Variants in EPHA5 observed in about 807,000 individuals in gnomAD.
EPHA5 encodes EPH receptor A5.
A neutral mutation model predicts 105.0 loss-of-function variants in EPHA5; 60 were observed. The observed-to-expected ratio is 0.57, with a 90% CI of 0.46 to 0.71. The LOEUF is 0.71. Ranked by LOEUF, EPHA5 falls within the 30% of genes least tolerant of loss-of-function variation. The probability of loss-of-function intolerance (pLI) is 0.00; values close to 1 mark genes in which losing one functional copy is unlikely to be tolerated. For synonymous variants in EPHA5, 513 were observed against 449.1 expected, an observed-to-expected ratio of 1.14 and a Z score of -1.80; for missense variants, 1,218 against 1,274.7, an observed-to-expected ratio of 0.96 and a Z score of 0.68.
chr4:65,379,752 C>T lies in EPHA5; in HGVS notation c.1794-12328G>A, dbSNP rs533938076. ...CTAAATATTTTTATCCATAATAGAA[C>T]TAAATAAACATTACATTCAGATTAA... On this transcript the variant is annotated intron_variant, in intron 8 of 16. Coordinates refer to ENST00000613740, the MANE Select transcript of EPHA5 (RefSeq NM_001281766.3). Among the ~76,000 whole-genome samples, 11 of 151,588 alleles carry T rather than the reference C, an allele frequency of 7.3e-5. No homozygotes were observed. The East Asian group carries it at 9.7e-4, about 13-fold the overall frequency.
intron 15 of EPHA5, 78 bp downstream of exon 15, chr4:65,335,854 G>T (rs1352488090): frequency 2.3e-5 from 32 of 1,405,130 alleles, no homozygotes; most frequent in Non-Finnish European, 2.9e-5. Flanking sequence ...ATACGAGAAT[G>T]ATTTAATTGA....
intron 3 of EPHA5, among the ~76,000 whole-genome samples, chr4:65,524,751 A>T (rs372452707): frequency 6.6e-6 from 1 of 151,946 alleles, no homozygotes; most frequent in African/African-American, 2.4e-5. Flanking sequence ...GACATTTCCC[A>T]TATGAATGAA....
chr4:65,344,950 A>C (rs1722075687), intron 14 of EPHA5, among the ~76,000 whole-genome samples: 1 of 152,200 alleles, frequency 6.6e-6, no homozygotes, highest in African/African-American at 2.4e-5. Context: ...GCTTAGATAC[A>C]AAAATTTTGG....
At chr4:65,651,179 G>T (rs980826811) in intron 1 of EPHA5, among the ~76,000 whole-genome samples, 1 of 152,174 alleles carries the variant, frequency 6.6e-6, no homozygotes, top group Admixed American at 6.5e-5. Context: ...AAAATAAGTA[G>T]AATCAGCAGG....
chr4:65,531,897 T>G (rs76609239), intron 3 of EPHA5, among the ~76,000 whole-genome samples: 1,733 of 152,318 alleles, frequency 0.011, 35 homozygotes, highest in African/African-American at 0.039. Flanking sequence ...TAAGCAAAAC[T>G]AGTTCTAATG....
intron 3 of EPHA5, among the ~76,000 whole-genome samples, chr4:65,535,328 T>A (rs1736189005): frequency 6.6e-6 from 1 of 151,988 alleles, no homozygotes; most frequent in South Asian, 2.1e-4. Context: ...AAATGCTGAA[T>A]CACAAGACAC....
chr4:65,658,015 T>C (rs1749225225), intron 1 of EPHA5, among the ~76,000 whole-genome samples: 1 of 151,918 alleles, frequency 6.6e-6, no homozygotes, highest in Non-Finnish European at 1.5e-5. Flanking sequence ...AGAGCTTTTT[T>C]TTCTAGTCAA....
At chr4:65,346,986 G>T (rs1477852878) in intron 14 of EPHA5, among the ~76,000 whole-genome samples, 1 of 152,106 alleles carries the variant, frequency 6.6e-6, no homozygotes, top group Non-Finnish European at 1.5e-5. Context: ...TCCAGTTGTG[G>T]AAGACACTTT....
At chr4:65,382,302 T>C (rs60530848) in intron 8 of EPHA5, among the ~76,000 whole-genome samples, 21,530 of 151,274 alleles carry the variant, frequency 0.14, 1,827 homozygotes, top group East Asian at 0.28. Context: ...TTTTTCAAGC[T>C]ATACTTCAAT....
At chr4:65,562,710 G>C (rs1198175639) in intron 3 of EPHA5, among the ~76,000 whole-genome samples, 1 of 151,996 alleles carries the variant, frequency 6.6e-6, no homozygotes, top group African/African-American at 2.4e-5. Flanking sequence ...CAAGATTATT[G>C]TATAGAGCTT....
chr4:65,418,541 T>C (rs1459879126), intron 6 of EPHA5, among the ~76,000 whole-genome samples: 4 of 152,210 alleles, frequency 2.6e-5, no homozygotes, highest in Non-Finnish European at 5.9e-5. Context: ...TTTAATAACC[T>C]ATTTTTGAAG....
intron 3 of EPHA5, among the ~76,000 whole-genome samples, chr4:65,498,375 T>C (rs1020942454): frequency 6.6e-6 from 1 of 151,838 alleles, no homozygotes; most frequent in African/African-American, 2.4e-5. Context: ...CAAATGAAAA[T>C]TGTATATTTT....
At chr4:65,504,542 C>G (rs1187960512) in intron 3 of EPHA5, among the ~76,000 whole-genome samples, 1 of 151,718 alleles carries the variant, frequency 6.6e-6, no homozygotes, top group Non-Finnish European at 1.5e-5. Context: ...TTTTACAAGT[C>G]TAAATGCCAA....
chr4:65,622,905 T>C (rs1052159279), intron 2 of EPHA5, among the ~76,000 whole-genome samples: 1 of 152,042 alleles, frequency 6.6e-6, no homozygotes, highest in African/African-American at 2.4e-5. Flanking sequence ...AAGAACTGAG[T>C]GTCTGGCACG....
intron 5 of EPHA5, among the ~76,000 whole-genome samples, chr4:65,457,133 C>A (rs78446533): frequency 6.6e-6 from 1 of 152,060 alleles, no homozygotes; most frequent in African/African-American, 2.4e-5. Context: ...AAACATACTG[C>A]GTTAATTCCT....
At chr4:65,515,387 G>A (rs76927079) in intron 3 of EPHA5, among the ~76,000 whole-genome samples, 7,897 of 152,100 alleles carry the variant, frequency 0.052, 278 homozygotes, top group African/African-American at 0.1. Context: ...AATGAAGTCT[G>A]TTAAAATTTT....
intron 6 of EPHA5, among the ~76,000 whole-genome samples, chr4:65,417,401 C>T (rs1723492168): frequency 6.6e-6 from 1 of 152,086 alleles, no homozygotes; most frequent in African/African-American, 2.4e-5. Flanking sequence ...AAATGAAAGT[C>T]TTTAAAAAAT....
At chr4:65,433,880 A>G (rs559316276) in intron 5 of EPHA5, among the ~76,000 whole-genome samples, 8 of 152,090 alleles carry the variant, frequency 5.3e-5, no homozygotes, top group Non-Finnish European at 1.2e-4. Context: ...CCCGTCTCTA[A>G]TAAAAATGCA....
chr4:65,334,520 A>G (rs1173456524), intron 15 of EPHA5, among the ~76,000 whole-genome samples: 5 of 152,010 alleles, frequency 3.3e-5, no homozygotes, highest in Non-Finnish European at 4.4e-5. Context: ...TATCATCTAC[A>G]TGGTTATTGA....
Sources: gnomAD v4.1 joint callset for allele counts (sites outside exome capture counted in the v4.1 genomes callset) on GRCh38, gnomAD v4.1.1 for gene constraint, MANE v1.5 for transcripts, NCBI Gene and HGNC (gene_info 2026-07-23, HGNC 2026-07-21) for gene names.